MS4A6E: variants seen among roughly 807,000 people sequenced by gnomAD.
MS4A6E encodes the protein membrane-spanning 4-domains subfamily A member 6E.
In MS4A6E, 8 loss-of-function variants were observed where a neutral mutation model predicts 13.2. The observed-to-expected ratio is 0.60, with a 90% confidence interval of 0.35 to 1.09. The LOEUF (loss-of-function observed/expected upper bound fraction) is 1.09. Ranked by LOEUF, MS4A6E falls within the 50% of genes least tolerant of loss-of-function variation. MS4A6E has a pLI of 0.02. For synonymous variants in MS4A6E, 72 were observed against 67.6 expected, an observed-to-expected ratio of 1.06 and a Z score of -0.32; for missense variants, 177 against 171.1, an observed-to-expected ratio of 1.03 and a Z score of -0.19.
At chr11:60,345,253 A>C (rs1455234248), downstream of MS4A6E, among the ~76,000 whole-genome samples, 1 of 152,148 alleles carries the variant, frequency 6.6e-6, no homozygotes, top group Non-Finnish European at 1.5e-5. Flanking sequence ...ATTTTATAGG[A>C]GATCCATTAG....
intron 1 of MS4A6E, 100 bp from the exon 2 acceptor site, chr11:60,334,782 C>T: frequency 1.5e-6 from 2 of 1,297,510 alleles, no homozygotes; most frequent in Non-Finnish European, 2.2e-6. Context: ...AACACACAGG[C>T]CAAGTCTGGA....
chr11:60,343,053 C>A (rs2085237843), downstream of MS4A6E, among the ~76,000 whole-genome samples: 1 of 152,174 alleles, frequency 6.6e-6, no homozygotes, highest in African/African-American at 2.4e-5. Flanking sequence ...AGGGCTCCTC[C>A]TGAGTTCAAT....
chr11:60,348,287 GAGA>G (rs2085264655), intron 4 of MS4A6E, among the ~76,000 whole-genome samples: 1 of 152,190 alleles, frequency 6.6e-6, no homozygotes, highest in South Asian at 2.1e-4. Context: ...TGTGCCCAGT[GAGA>G]GGATTCTTAT....
intron 4 of MS4A6E, 113 bp downstream of exon 4, chr11:60,340,077 A>T: frequency 6.7e-7 from 1 of 1,490,044 alleles, no homozygotes; most frequent in South Asian, 1.2e-5. Flanking sequence ...CATGAGATAC[A>T]CATGGGAGGT....
chr11:60,343,916 A>AGT (rs2085244384), downstream of MS4A6E, among the ~76,000 whole-genome samples: 1 of 152,146 alleles, frequency 6.6e-6, no homozygotes. Context: ...TTGAAAGAAC[A>AGT]GTGTAGGGCC....
At chr11:60,342,175 GTGTGAGAGAGAGAGAGAGAGA>G (rs1265653518), downstream of MS4A6E, among the ~76,000 whole-genome samples, 21 of 31,824 alleles carry the variant, frequency 6.6e-4, no homozygotes, top group African/African-American at 2.0e-3. Context: ...GTGTGTGTGT[GTGTGAGAGAGAGAGAGAGAGA>G]GAGAGGGGGG....
intron 1 of MS4A6E, among the ~76,000 whole-genome samples, chr11:60,327,890 C>T (rs991308757): frequency 6.6e-6 from 1 of 151,884 alleles, no homozygotes; most frequent in Non-Finnish European, 1.5e-5. Context: ...ATTAGCCTGT[C>T]ATGGTGGTGC....
At chr11:60,338,019 C>A in intron 3 of MS4A6E, 72 bp downstream of exon 3, 2 of 1,467,160 alleles carry the variant, frequency 1.4e-6, no homozygotes, top group South Asian at 1.2e-5. Context: ...ATTATTCCAT[C>A]CTTTGAAAAT....
downstream of MS4A6E, among the ~76,000 whole-genome samples, chr11:60,343,642 C>T (rs146150545): frequency 2.0e-4 from 31 of 152,298 alleles, 1 homozygote; most frequent in African/African-American, 6.7e-4. Flanking sequence ...AAAAGAAGTG[C>T]TAATATCTGG....
At chr11:60,336,533 C>T (rs1280561544) in intron 2 of MS4A6E, among the ~76,000 whole-genome samples, 1 of 152,160 alleles carries the variant, frequency 6.6e-6, no homozygotes, top group African/African-American at 2.4e-5. Flanking sequence ...GTGAGTTCTA[C>T]TCTTGTCACA....
rs1233182920 is a variant in MS4A6E, at chr11:60,341,122, T to C, written c.*356T>C. Among the ~76,000 whole-genome samples, 2 of 152,170 alleles carry C rather than the reference T, an allele frequency of 1.3e-5. No homozygotes were observed. The highest frequency in any genetic ancestry group is 2.9e-5 in the Non-Finnish European group (2 of 68,040). On this transcript the variant is annotated 3_prime_UTR_variant, in exon 5 of 5. Transcript: ENST00000684409. ...AAAACTAGGCAGAATGATGATTCAA[T>C]GGATCACAGTGAGGCAAAGGATACA...
chr11:60,342,192 AGAGAGAGAGGGG>A (rs763733059), downstream of MS4A6E, among the ~76,000 whole-genome samples: 34 of 79,590 alleles, frequency 4.3e-4, no homozygotes, highest in African/African-American at 1.6e-3. Flanking sequence ...AGAGAGAGAG[AGAGAGAGAGGGG>A]GGGGGAGAGA....
chr11:60,336,235 C>T (rs1454653146), intron 2 of MS4A6E, among the ~76,000 whole-genome samples: 2 of 152,328 alleles, frequency 1.3e-5, no homozygotes, highest in East Asian at 3.9e-4. Context: ...ACAACAGCTG[C>T]ACTGTTACAA....
chr11:60,330,335 CTTTTTTT>C (rs71036576), intron 1 of MS4A6E, among the ~76,000 whole-genome samples: 2 of 61,168 alleles, frequency 3.3e-5, no homozygotes, highest in Non-Finnish European at 6.1e-5. Context: ...AATTTTGGCT[CTTTTTTT>C]TTTTTTTTTT....
intron 2 of MS4A6E, among the ~76,000 whole-genome samples, chr11:60,335,977 G>T (rs536185014): frequency 6.6e-6 from 1 of 152,092 alleles, no homozygotes; most frequent in East Asian, 1.9e-4. Context: ...GTGGGAGGAG[G>T]GAGAGGATCA....
intron 3 of MS4A6E, among the ~76,000 whole-genome samples, 200 bp downstream of exon 3, chr11:60,338,147 A>G (rs1310590721): frequency 6.6e-6 from 1 of 152,234 alleles, no homozygotes; most frequent in Non-Finnish European, 1.5e-5. Flanking sequence ...TTGAAATGTC[A>G]GATAAGGTTG....
chr11:60,328,382 T>C (rs1565154499), intron 1 of MS4A6E, among the ~76,000 whole-genome samples: 1 of 152,262 alleles, frequency 6.6e-6, no homozygotes, highest in East Asian at 1.9e-4. Flanking sequence ...GAAATATATA[T>C]GTGTAGGTAG....
rs2085222171 is a variant in MS4A6E, at chr11:60,341,057, C to T, written c.*291C>T. 2.0e-5 allele frequency: 3 copies of T among 152,170 alleles called. No homozygotes were observed. The highest frequency in any genetic ancestry group is 6.5e-5 in the Admixed American group (1 of 15,274). 9.4% of individuals were successfully genotyped at this position (152,170 alleles called of 1,614,324 possible). A position where few individuals can be genotyped will look rare whatever the true frequency, so the allele number is the denominator to read the frequency against. Reference sequence around the variant, plus strand: ...GCAAAAGCACAGGGCTGTAAATTACCATTTACTAGACTAGCCAAATAGTCT... The same window carrying T: ...GCAAAAGCACAGGGCTGTAAATTACTATTTACTAGACTAGCCAAATAGTCT... On this transcript the variant is annotated 3_prime_UTR_variant, in exon 5 of 5. Coordinates refer to ENST00000684409, the MANE Select transcript of MS4A6E (RefSeq NM_139249.4).
At chr11:60,330,428 G>A (rs571393874) in intron 1 of MS4A6E, among the ~76,000 whole-genome samples, 34 of 128,068 alleles carry the variant, frequency 2.7e-4, no homozygotes, top group African/African-American at 7.0e-4. Flanking sequence ...TGCAAGCTCC[G>A]CCTCCCGGGT....
Sources: allele counts gnomAD v4.1 joint callset (sites outside exome capture counted in the v4.1 genomes callset), GRCh38; gene constraint gnomAD v4.1.1; transcripts MANE v1.5; gene names NCBI Gene and HGNC (gene_info 2026-07-23, HGNC 2026-07-21).